WDR12: variants seen among roughly 807,000 people sequenced by gnomAD.
WDR12 encodes the protein WD repeat domain 12.
A neutral mutation model predicts 64.3 loss-of-function variants in WDR12; 42 were observed. The observed-to-expected ratio is 0.65, with a 90% CI of 0.51 to 0.84. WDR12 has a LOEUF of 0.84. Among genes scored for constraint, WDR12 ranks in the 40% least tolerant of loss-of-function variants. WDR12 has a pLI of 0.00. For synonymous variants in WDR12, 158 were observed against 173.3 expected (o/e 0.91, Z 0.70); for missense variants, 469 against 494.6 (o/e 0.95, Z 0.49).
chr2:202,888,658 T>A (rs1384199878), intron 8 of WDR12, among the ~76,000 whole-genome samples: 1 of 152,204 alleles, frequency 6.6e-6, no homozygotes, highest in African/African-American at 2.4e-5. Flanking sequence ...AAAGAGAAGA[T>A]ACCTATTTTT....
chr2:202,895,157 T>C (rs1688215771), intron 6 of WDR12, among the ~76,000 whole-genome samples: 1 of 152,210 alleles, frequency 6.6e-6, no homozygotes, highest in Non-Finnish European at 1.5e-5. Context: ...AATACAAGCA[T>C]CCTGTTACCC....
intron 1 of WDR12, among the ~76,000 whole-genome samples, chr2:202,908,963 A>G (rs72936842): frequency 0.089 from 13,546 of 152,320 alleles, 743 homozygotes; most frequent in Non-Finnish European, 0.12. Flanking sequence ...TTAGTCATCC[A>G]GGTAATGTTA....
chr2:202,880,797 T>C lies in WDR12; in HGVS notation c.*63A>G. 1 of 1,476,716 alleles carries C rather than the reference T, an allele frequency of 6.8e-7. No homozygotes were observed. Among genetic ancestry groups the C allele is most frequent in the Non-Finnish European group, 9.2e-7 (1 of 1,081,588 alleles). The allele number at this position is 1,476,716 out of a possible 1,614,324, so 91.5% of individuals were successfully genotyped here. On this transcript the variant is annotated 3_prime_UTR_variant, in exon 13 of 13. Coordinates refer to ENST00000261015, the MANE Select transcript of WDR12 (RefSeq NM_018256.4). ...CTTTCTGCATCTGCATCTATGTAATTTCATGGTTCTCTACCAATTTCATTT... is the reference window on the plus strand; with the variant it reads ...CTTTCTGCATCTGCATCTATGTAATCTCATGGTTCTCTACCAATTTCATTT...
At chr2:202,908,805 T>C (rs573026507) in intron 1 of WDR12, among the ~76,000 whole-genome samples, 1 of 152,262 alleles carries the variant, frequency 6.6e-6, no homozygotes, top group African/African-American at 2.4e-5. Context: ...AGGAGACTCT[T>C]ATAAGAGAGA....
intron 8 of WDR12, among the ~76,000 whole-genome samples, chr2:202,885,399 C>T (rs900536004): frequency 6.6e-6 from 1 of 152,198 alleles, no homozygotes; most frequent in Non-Finnish European, 1.5e-5. Context: ...CACTTCTATT[C>T]CTGGTGCCTG....
chr2:202,886,456 T>C (rs1688050890), intron 8 of WDR12, among the ~76,000 whole-genome samples: 1 of 148,952 alleles, frequency 6.7e-6, no homozygotes. Flanking sequence ...AGAGTCTGTC[T>C]CTTAAAAACA....
At chr2:202,892,778 T>C in intron 7 of WDR12, 76 bp from the exon 8 acceptor site, 1 of 1,070,838 alleles carries the variant, frequency 9.3e-7, no homozygotes, top group Admixed American at 2.1e-5. Flanking sequence ...TTCTTTACAT[T>C]TCCAGATATA....
At chr2:202,889,688 G>A (rs1688112613) in intron 8 of WDR12, among the ~76,000 whole-genome samples, 1 of 151,956 alleles carries the variant, frequency 6.6e-6, no homozygotes, top group Admixed American at 6.6e-5. Context: ...GCCGAGGTGG[G>A]AGGACTGCTT....
At chr2:202,883,215 A>G (rs1332573692) in intron 11 of WDR12, among the ~76,000 whole-genome samples, 1 of 152,098 alleles carries the variant, frequency 6.6e-6, no homozygotes, top group African/African-American at 2.4e-5. Context: ...GGCTCACTGC[A>G]ACCTCCGCCT....
chr2:202,884,381 T>C lies in WDR12; in HGVS notation c.882+14A>G. Reference sequence around the variant, plus strand: ...AGAAGTTTATCACTTAAAAGAACACTGAATTTGTCTTACCAAAGTTGACTT... The same window carrying C: ...AGAAGTTTATCACTTAAAAGAACACCGAATTTGTCTTACCAAAGTTGACTT... On this transcript the variant is annotated intron_variant, in intron 9 of 12. Coordinates refer to ENST00000261015, the MANE Select transcript of WDR12 (RefSeq NM_018256.4). 6.2e-7 allele frequency: 1 copy of C among 1,613,928 alleles called. No individual in the cohort carries two copies. The highest frequency in any genetic ancestry group is 8.5e-7 in the Non-Finnish European group (1 of 1,179,970).
At chr2:202,902,979 T>C (rs1469243362) in intron 2 of WDR12, among the ~76,000 whole-genome samples, 1 of 152,068 alleles carries the variant, frequency 6.6e-6, no homozygotes, top group East Asian at 1.9e-4. Flanking sequence ...CTCGGGAGGC[T>C]GAAGCAGGAG....
chr2:202,895,285 G>T (rs546804942), intron 6 of WDR12, among the ~76,000 whole-genome samples: 1 of 152,032 alleles, frequency 6.6e-6, no homozygotes, highest in Non-Finnish European at 1.5e-5. Flanking sequence ...ATTGCCCTCA[G>T]GTTTGTTACC....
intron 7 of WDR12, 91 bp downstream of exon 7, chr2:202,894,490 G>T: frequency 1.8e-6 from 2 of 1,136,640 alleles, no homozygotes; most frequent in Non-Finnish European, 2.5e-6. Flanking sequence ...CTGAAGTGCT[G>T]AGATTATAGG....
At chr2:202,894,870 G>A in intron 6 of WDR12, 1 of 367,876 alleles carries the variant, frequency 2.7e-6, no homozygotes, top group Non-Finnish European at 4.9e-6. Flanking sequence ...AAGTCAACTT[G>A]AGGGACAAGA....
chr2:202,899,381 T>C, intron 4 of WDR12, 150 bp downstream of exon 4: 2 of 655,156 alleles, frequency 3.1e-6, no homozygotes, highest in Non-Finnish European at 5.0e-6. Context: ...GAAAAGATCT[T>C]TCTGTTTGCC....
At chr2:202,902,389 T>C (rs896831919) in intron 2 of WDR12, among the ~76,000 whole-genome samples, 5 of 152,306 alleles carry the variant, frequency 3.3e-5, no homozygotes, top group Admixed American at 2.6e-4. Context: ...CAAAGTATTG[T>C]TCCTGGGTGT....
chr2:202,876,976 A>G lies in WDR12; in HGVS notation c.*3884T>C, dbSNP rs1022725269. 7 of 152,136 alleles carry G rather than the reference A, an allele frequency of 4.6e-5. No homozygotes were observed. Among genetic ancestry groups the G allele is most frequent in the African/African-American group, 1.4e-4 (6 of 41,444 alleles). 9.4% of individuals were successfully genotyped at this position (152,136 alleles called of 1,614,324 possible). A position where few individuals can be genotyped will look rare whatever the true frequency, so the allele number is the denominator to read the frequency against. ...AAACTAGTATCTTTCAAAAAATTTAATATTTTCCTTATATTTGTTATATAT... is the reference window on the plus strand; with the variant it reads ...AAACTAGTATCTTTCAAAAAATTTAGTATTTTCCTTATATTTGTTATATAT... On this transcript the variant is annotated 3_prime_UTR_variant, in exon 13 of 13. Coordinates refer to ENST00000261015, the MANE Select transcript of WDR12 (RefSeq NM_018256.4).
Position 202,880,685 on chromosome 2 carries a change from CCTAT to C in WDR12, c.*171_*174del, listed in dbSNP as rs1362109826. ...CACAGTTTGTATTTTATAAACACAA[CCTAT>C]CTTATTATAAATACAAAATAAGAAA... On this transcript the variant is annotated 3_prime_UTR_variant, in exon 13 of 13. Transcript: ENST00000261015. 9.9e-6 allele frequency: 4 copies of C among 405,636 alleles called. No homozygotes were observed. The highest frequency in any genetic ancestry group is 1.8e-5 in the Non-Finnish European group (4 of 227,298). 25.1% of individuals were successfully genotyped at this position (405,636 alleles called of 1,614,324 possible). A position where few individuals can be genotyped will look rare whatever the true frequency, so the allele number is the denominator to read the frequency against.
chr2:202,911,619 C>CTCTG lies in WDR12; in HGVS notation c.-147_-144dup, dbSNP rs1252513390. 5.1e-5 allele frequency: 39 copies of CTCTG among 761,206 alleles called. No individual in the cohort carries two copies. Among genetic ancestry groups the CTCTG allele is most frequent in the Non-Finnish European group, 8.5e-5 (37 of 434,862 alleles). 47.2% of individuals were successfully genotyped at this position (761,206 alleles called of 1,614,324 possible). ...CGAGGAACTGCAGTCTAAGCCTGGA[C>CTCTG]TCTGCCTTCTGCCCTCCGGTCTCCT... On this transcript the variant is annotated 5_prime_UTR_variant, in exon 1 of 13. Coordinates refer to ENST00000261015, the MANE Select transcript of WDR12 (RefSeq NM_018256.4).
Sources: gnomAD v4.1 joint callset for allele counts (sites outside exome capture counted in the v4.1 genomes callset) on GRCh38, gnomAD v4.1.1 for gene constraint, MANE v1.5 for transcripts, NCBI Gene and HGNC (gene_info 2026-07-23, HGNC 2026-07-21) for gene names.